Variants in DISC1 observed in about 807,000 individuals in gnomAD.
DISC1 encodes the protein disrupted in schizophrenia 1 protein.
A neutral mutation model predicts 84.5 loss-of-function variants in DISC1; 57 were observed. The observed-to-expected ratio is 0.67, with a 90% CI of 0.55 to 0.84. The LOEUF is 0.84. Ranked by LOEUF, DISC1 falls within the 40% of genes least tolerant of loss-of-function variation. DISC1 has a pLI of 0.00. For synonymous variants in DISC1, 411 were observed against 415.2 expected, an observed-to-expected ratio of 0.99 and a Z score of 0.12; for missense variants, 1,000 against 1,057.8, an observed-to-expected ratio of 0.95 and a Z score of 0.76.
At chr1:231,924,858 A>G (rs969835365) in intron 9 of DISC1, among the ~76,000 whole-genome samples, 2 of 151,304 alleles carry the variant, frequency 1.3e-5, no homozygotes, top group South Asian at 4.2e-4. Context: ...GGGTTTCACC[A>G]TGTTAGCCAG....
rs150406056 is a variant in DISC1, at chr1:231,808,361, G to A, written c.1792+8151G>A. 1.7e-3 allele frequency among the ~76,000 whole-genome samples: 262 copies of A among 152,284 alleles called. 1 individual carries two copies. Among genetic ancestry groups the A allele is most frequent in the Non-Finnish European group, 3.1e-3 (211 of 68,008 alleles). The stretch of plus-strand genomic sequence containing the variant: ...CACACCCAGAAGCTCCAGGCCCACC[G>A]TGTACCATGGCTAAGTAGCTGCAAC... On this transcript the variant is annotated intron_variant, in intron 8 of 12. Coordinates refer to ENST00000439617, the MANE Select transcript of DISC1 (RefSeq NM_018662.3).
At chr1:231,857,002 T>C (rs2084319751) in intron 9 of DISC1, among the ~76,000 whole-genome samples, 1 of 152,068 alleles carries the variant, frequency 6.6e-6, no homozygotes, top group Admixed American at 6.6e-5. Flanking sequence ...GCTCAGGGGA[T>C]GGAGTTTACA....
At chr1:231,885,916 T>A (rs1303764455) in intron 9 of DISC1, among the ~76,000 whole-genome samples, 1 of 152,104 alleles carries the variant, frequency 6.6e-6, no homozygotes, top group Non-Finnish European at 1.5e-5. Flanking sequence ...CACCATAGAT[T>A]TGGTAATTTA....
chr1:232,001,591 T>A (rs895473031), intron 10 of DISC1, among the ~76,000 whole-genome samples: 44 of 152,154 alleles, frequency 2.9e-4, no homozygotes, highest in African/African-American at 1.1e-3. Context: ...CATAAAAATA[T>A]GCTCAAATGA....
chr1:231,848,885 A>G (rs201490413), intron 9 of DISC1, among the ~76,000 whole-genome samples: 3 of 152,120 alleles, frequency 2.0e-5, no homozygotes, highest in Non-Finnish European at 2.9e-5. Context: ...CATTATATTC[A>G]TACTCTGCAG....
intron 3 of DISC1, among the ~76,000 whole-genome samples, chr1:231,703,226 C>T (rs1000482657): frequency 2.0e-5 from 3 of 152,186 alleles, no homozygotes; most frequent in African/African-American, 7.2e-5. Flanking sequence ...AGGAGGGACT[C>T]TTGACATTCT....
At chr1:231,856,762 AC>A (rs2084300078) in intron 9 of DISC1, among the ~76,000 whole-genome samples, 1 of 152,226 alleles carries the variant, frequency 6.6e-6, no homozygotes, top group Admixed American at 6.5e-5. Context: ...ATCCTGCTGA[AC>A]CTATCATTGG....
At chr1:231,681,403 G>A (rs1305061944) in intron 1 of DISC1, among the ~76,000 whole-genome samples, 1 of 149,670 alleles carries the variant, frequency 6.7e-6, no homozygotes. Flanking sequence ...ACTCGTGTGT[G>A]TTTGTGTGTG....
At chr1:232,004,412 CT>C (rs1328927170) in intron 10 of DISC1, among the ~76,000 whole-genome samples, 1 of 145,238 alleles carries the variant, frequency 6.9e-6, no homozygotes, top group Non-Finnish European at 1.5e-5. Flanking sequence ...TTTTTAAATA[CT>C]TTTTAAAAAT....
intron 9 of DISC1, among the ~76,000 whole-genome samples, chr1:231,922,391 G>T (rs958715665): frequency 1.3e-5 from 2 of 152,112 alleles, no homozygotes; most frequent in Non-Finnish European, 2.9e-5. Flanking sequence ...TTGTATTGTT[G>T]CATTTAATCC....
At chr1:231,726,166 T>C (rs2070659449) in intron 3 of DISC1, among the ~76,000 whole-genome samples, 3 of 152,188 alleles carry the variant, frequency 2.0e-5, no homozygotes. Context: ...ACATTTTGCT[T>C]TTCCATGTTA....
At chr1:231,770,019 A>G (rs1173900536) in intron 5 of DISC1, among the ~76,000 whole-genome samples, 1 of 152,122 alleles carries the variant, frequency 6.6e-6, no homozygotes, top group Non-Finnish European at 1.5e-5. Context: ...GTTGTAGGTG[A>G]TGCACCTCGG....
At chr1:231,896,514 CCTT>C (rs1026555508) in intron 9 of DISC1, among the ~76,000 whole-genome samples, 1 of 152,094 alleles carries the variant, frequency 6.6e-6, no homozygotes, top group African/African-American at 2.4e-5. Context: ...CACTGTTCTC[CCTT>C]CTTCTAAAAA....
rs55740228 is a variant in DISC1 at position 232,002,595 on chromosome 1, GCACACACACACACACACACA to G, written c.2043-6165_2043-6146del. 4.2e-3 allele frequency among the ~76,000 whole-genome samples: 610 copies of G among 143,738 alleles called. 4 individuals are homozygous for G. The highest frequency in any genetic ancestry group is 0.014 in the African/African-American group (544 of 38,564). The allele number at this position is 143,738 out of a possible 152,430, so 94.3% of individuals were successfully genotyped here. A position where few individuals can be genotyped will look rare whatever the true frequency, so the allele number is the denominator to read the frequency against. On this transcript the variant is annotated intron_variant, in intron 10 of 12. Coordinates refer to ENST00000439617, the MANE Select transcript of DISC1 (RefSeq NM_018662.3). ...ACGAATCTCCAGGGAATTATGCTGA[GCACACACACACACACACACA>G]CACACACACACACACACACACACAA...
chr1:231,854,819 C>A (rs1472618862), intron 9 of DISC1: 2 of 292,728 alleles, frequency 6.8e-6, no homozygotes, highest in Non-Finnish European at 1.5e-5. Flanking sequence ...CGAGTTCAAG[C>A]AATTCTCCTG....
chr1:231,800,912 C>T (rs1476672788), intron 8 of DISC1, among the ~76,000 whole-genome samples: 2 of 151,752 alleles, frequency 1.3e-5, no homozygotes, highest in Non-Finnish European at 2.9e-5. Context: ...CAGGCCCTCT[C>T]TCGGTGTATT....
chr1:231,759,549 A>AC lies in DISC1; in HGVS notation c.1269-7591_1269-7590insC, dbSNP rs1437683397. Among the ~76,000 whole-genome samples, 398 of 139,108 alleles carry AC rather than the reference A, an allele frequency of 2.9e-3. 1 individual carries two copies. Among genetic ancestry groups the AC allele is most frequent in the Non-Finnish European group, 4.9e-3 (323 of 65,262 alleles). The allele number at this position is 139,108 out of a possible 152,430, so 91.3% of individuals were successfully genotyped here. ...TACAAAAAAAAAAAAAAAAAAAAAA[A>AC]AACAAAACTAGCCAAATGCGGTGGT... On this transcript the variant is annotated intron_variant, in intron 4 of 12. Transcript: ENST00000439617.
chr1:231,922,457 T>G (rs923556946), intron 9 of DISC1, among the ~76,000 whole-genome samples: 1 of 152,190 alleles, frequency 6.6e-6, no homozygotes, highest in Non-Finnish European at 1.5e-5. Context: ...AGATGAAGAA[T>G]GTGAGGCACA....
At chr1:231,701,763 T>C (rs1428382684) in intron 2 of DISC1, among the ~76,000 whole-genome samples, 192 bp from the exon 3 acceptor site, 1 of 152,218 alleles carries the variant, frequency 6.6e-6, no homozygotes, top group Non-Finnish European at 1.5e-5. Context: ...ATTACACTTT[T>C]TCTTTACATA....
Sources: gnomAD v4.1 joint callset for allele counts (sites outside exome capture counted in the v4.1 genomes callset) on GRCh38, gnomAD v4.1.1 for gene constraint, MANE v1.5 for transcripts, NCBI Gene and HGNC (gene_info 2026-07-23, HGNC 2026-07-21) for gene names.